DNAH11: variants seen among roughly 807,000 people sequenced by gnomAD.
DNAH11 encodes axonemal beta dynein heavy chain 11.
DNAH11 carries 442 observed loss-of-function variants against 526.0 expected under a neutral mutation model. The ratio of observed to expected loss-of-function variants is 0.84; its 90% CI spans 0.78 to 0.91. The LOEUF (loss-of-function observed/expected upper bound fraction) is 0.91, where lower values mean the gene tolerates loss of function less well. Ranked by LOEUF, DNAH11 falls within the 40% of genes least tolerant of loss-of-function variation. The pLI is 0.00. For missense variants in DNAH11, 6,989 were observed against 5,448.7 expected (o/e 1.28, Z -8.90); for synonymous variants, 2,461 against 1,935.9 (o/e 1.27, Z -7.12).
At position 21,639,046 on chromosome 7, in the gene DNAH11, AAGG is replaced by A. The variant is rs1471153880; in HGVS notation, c.4928_4930del (p.Gly1643del). 6.2e-7 allele frequency: 1 copy of A among 1,613,444 alleles called. No individual in the cohort carries two copies. Among genetic ancestry groups the A allele is most frequent in the Admixed American group, 1.7e-5 (1 of 59,968 alleles). ...GCTGATTTACTTGACATTCTCTCAA[AAGG>A]AGCTCAGCCTAAACAGGTAATATTT... On this transcript the variant is annotated inframe_deletion, in exon 28 of 82. Coordinates refer to ENST00000409508, the MANE Select transcript of DNAH11 (RefSeq NM_001277115.2).
intron 28 of DNAH11, among the ~76,000 whole-genome samples, chr7:21,643,060 G>A (rs1231213476): frequency 6.6e-6 from 1 of 152,152 alleles, no homozygotes; most frequent in Admixed American, 6.5e-5. Flanking sequence ...AAAGTCTCTG[G>A]TAGTTGCTGT....
At chr7:21,862,121 A>ATT in intron 69 of DNAH11, 98 bp downstream of exon 69, 6 of 1,006,002 alleles carry the variant, frequency 6.0e-6, no homozygotes, top group South Asian at 2.2e-5. Flanking sequence ...AATATAATAG[A>ATT]CTTTTTTTTT....
At chr7:21,565,183 C>T (rs891689884) in intron 6 of DNAH11, among the ~76,000 whole-genome samples, 15 of 152,198 alleles carry the variant, frequency 9.9e-5, no homozygotes, top group African/African-American at 3.4e-4. Context: ...TGCCAGCGTG[C>T]TCAGATTCTG....
In DNAH11 at chr7:21,773,881, G is replaced by A. The variant is rs766622461; in HGVS notation, c.9218G>A (p.Ser3073Asn). The change falls in exon 56 of 82, where the codon AGT becomes AAT. Residue 3073 changes from serine to asparagine, a missense_variant. Ser to Asn is a conservative substitution (Grantham distance 46). Transcript: ENST00000409508. ...AGACACAACTATACCACCCCAAAGA[G>A]TTTTCTAGAACAAATATCACTGTTT... The part of the protein sequence containing the change: ...ERRHNYTTPK[S>N]FLEQISLFKN... 1.6e-5 allele frequency: 26 copies of A among 1,594,460 alleles called. No homozygotes were observed. Among genetic ancestry groups the A allele is most frequent in the Non-Finnish European group, 1.1e-5 (13 of 1,170,220 alleles).
chr7:21,769,677 G>A (rs1480707542), intron 55 of DNAH11, among the ~76,000 whole-genome samples: 2 of 151,958 alleles, frequency 1.3e-5, no homozygotes, highest in Non-Finnish European at 2.9e-5. Flanking sequence ...TAGAGACAGG[G>A]TTTCACCATG....
At chr7:21,804,400 T>C (rs12535101) in intron 62 of DNAH11, among the ~76,000 whole-genome samples, 20,112 of 152,214 alleles carry the variant, frequency 0.13, 1,718 homozygotes, top group Non-Finnish European at 0.19. Context: ...TGAGCCACCG[T>C]GCCCAGCCTA....
intron 49 of DNAH11, among the ~76,000 whole-genome samples, chr7:21,743,962 T>A (rs951889269): frequency 2.0e-5 from 3 of 152,054 alleles, no homozygotes; most frequent in Non-Finnish European, 4.4e-5. Context: ...AGCAAGGGAG[T>A]CACAATGTGT....
At chr7:21,844,474 A>G (rs1392837646) in intron 66 of DNAH11, among the ~76,000 whole-genome samples, 1 of 152,136 alleles carries the variant, frequency 6.6e-6, no homozygotes, top group African/African-American at 2.4e-5. Context: ...ATATTTACAT[A>G]TTGTCTATGA....
chr7:21,748,169 CTAT>C (rs1786234153), intron 51 of DNAH11, among the ~76,000 whole-genome samples: 2 of 124,570 alleles, frequency 1.6e-5, no homozygotes, highest in African/African-American at 6.0e-5. Flanking sequence ...TCTCACTATA[CTAT>C]TTATCTAAAG....
intron 65 of DNAH11, among the ~76,000 whole-genome samples, chr7:21,841,362 A>G (rs1426723545): frequency 6.6e-6 from 1 of 152,214 alleles, no homozygotes; most frequent in African/African-American, 2.4e-5. Flanking sequence ...GAACTGCAAC[A>G]TTTAATGTAT....
chr7:21,795,892 A>G (rs1291191105), intron 61 of DNAH11, among the ~76,000 whole-genome samples: 4 of 152,114 alleles, frequency 2.6e-5, no homozygotes, highest in Non-Finnish European at 4.4e-5. Flanking sequence ...TTTCCTCTTG[A>G]ATCCAGTCTT....
chr7:21,842,692 G>T lies in DNAH11; in HGVS notation c.10840G>T (p.Ala3614Ser). ...NFTVTEDGLE[A>S]QLLAEVVSIE... Reference sequence around the variant, plus strand: ...CACAGTCACAGAAGATGGTCTAGAAGCCCAGCTGCTGGCAGAGGTTGTCAG... The same window carrying T: ...CACAGTCACAGAAGATGGTCTAGAATCCCAGCTGCTGGCAGAGGTTGTCAG... The change falls in exon 66 of 82, where the codon GCC (alanine) becomes TCC (serine). Residue 3614 changes from alanine to serine, a missense_variant. Ala to Ser is a moderately conservative substitution (Grantham distance 99). Transcript: ENST00000409508. 2 of 1,613,754 alleles carry T rather than the reference G, an allele frequency of 1.2e-6. No individual in the cohort carries two copies. Among genetic ancestry groups the T allele is most frequent in the Non-Finnish European group, 8.5e-7 (1 of 1,179,764 alleles).
In DNAH11 at chr7:21,900,102, C is replaced by CA. The variant is rs1562612754; in HGVS notation, c.13286dup (p.His4429GlnfsTer19). 6.2e-7 allele frequency: 1 copy of CA among 1,613,478 alleles called. No individual in the cohort carries two copies. The highest frequency in any genetic ancestry group is 8.5e-7 in the Non-Finnish European group (1 of 1,179,640). On this transcript the variant is annotated frameshift_variant, in exon 81 of 82. Coordinates refer to ENST00000409508, the MANE Select transcript of DNAH11 (RefSeq NM_001277115.2). LOFTEE classifies it high-confidence loss of function. ...CCCGCCAAGGGAAGGTGCATACCTC[C>CA]ACGGACTCTTCATGGAGGGTAAGAC...
chr7:21,872,177 A>G (rs369897855), intron 73 of DNAH11, among the ~76,000 whole-genome samples: 15 of 148,484 alleles, frequency 1.0e-4, no homozygotes, highest in East Asian at 5.9e-4. Context: ...TTTAGCTTCA[A>G]TTATCTCCTT....
intron 63 of DNAH11, among the ~76,000 whole-genome samples, chr7:21,810,463 G>T (rs1045006273): frequency 6.6e-6 from 1 of 152,154 alleles, no homozygotes; most frequent in Non-Finnish European, 1.5e-5. Context: ...GCTGGTCTCC[G>T]TTACTTTAGG....
chr7:21,790,734 A>C (rs945200858), intron 61 of DNAH11, among the ~76,000 whole-genome samples: 1 of 152,186 alleles, frequency 6.6e-6, no homozygotes, highest in African/African-American at 2.4e-5. Flanking sequence ...GGGAAGGAGC[A>C]GTTGGGACAC....
At chr7:21,766,605 G>A (rs1787196574) in intron 55 of DNAH11, among the ~76,000 whole-genome samples, 1 of 151,582 alleles carries the variant, frequency 6.6e-6, no homozygotes, top group African/African-American at 2.4e-5. Context: ...GTTGTATATT[G>A]TATCATTCAG....
At chr7:21,600,979 G>T (rs759636322) in intron 16 of DNAH11, 31 bp from the exon 17 acceptor site, 70 of 1,610,514 alleles carry the variant, frequency 4.3e-5, no homozygotes, top group Non-Finnish European at 5.9e-5. Flanking sequence ...TTTTCACTGA[G>T]TTGTTCTAAT....
At chr7:21,551,288 C>T (rs1358767821) in intron 2 of DNAH11, among the ~76,000 whole-genome samples, 1 of 152,184 alleles carries the variant, frequency 6.6e-6, no homozygotes, top group African/African-American at 2.4e-5. Flanking sequence ...GGGAGGCTTG[C>T]TCAGCAGCGC....
Sources: allele counts gnomAD v4.1 joint callset (sites outside exome capture counted in the v4.1 genomes callset), GRCh38; gene constraint gnomAD v4.1.1; transcripts MANE v1.5; gene names NCBI Gene and HGNC (gene_info 2026-07-23, HGNC 2026-07-21).